Variants in ARHGAP32 observed in about 807,000 individuals in gnomAD.
ARHGAP32 encodes the protein Rho GTPase activating protein 32, also known as rho GTPase-activating protein 32.
Under a neutral mutation model 186.5 loss-of-function variants are expected in ARHGAP32, and 51 were observed. The ratio of observed to expected loss-of-function variants is 0.27; its 90% CI spans 0.22 to 0.35. The LOEUF is 0.35. Among genes scored for constraint, ARHGAP32 ranks in the 10% least tolerant of loss-of-function variants. The pLI is 1.00. For missense variants in ARHGAP32, 2,186 were observed against 2,623.5 expected (o/e 0.83, Z 3.64); for synonymous variants, 950 against 964.3 (o/e 0.99, Z 0.27).
At chr11:129,190,440 G>A (rs1211981543) in intron 1 of ARHGAP32, among the ~76,000 whole-genome samples, 1 of 152,174 alleles carries the variant, frequency 6.6e-6, no homozygotes, top group Non-Finnish European at 1.5e-5. Context: ...TATTCAGATA[G>A]GAAATATAAA....
rs1450335603 is a variant in ARHGAP32, at chr11:128,967,006, T to C, written c.*1901A>G. The C allele has an allele frequency of 6.6e-6, 1 of 152,236 alleles. No individual in the cohort carries two copies. Among genetic ancestry groups the C allele is most frequent in the Non-Finnish European group, 1.5e-5 (1 of 68,034 alleles). 9.4% of individuals were successfully genotyped at this position (152,236 alleles called of 1,614,324 possible). ...AAAACAGTTGGTTCTGCACTTTTAATGTAGAGGCCTCAATTTCCACAGACC... is the reference window on the plus strand; with the variant it reads ...AAAACAGTTGGTTCTGCACTTTTAACGTAGAGGCCTCAATTTCCACAGACC... On this transcript the variant is annotated 3_prime_UTR_variant, in exon 23 of 23. Transcript: ENST00000682385.
chr11:129,000,287 T>A (rs1045493801), intron 11 of ARHGAP32, among the ~76,000 whole-genome samples: 1 of 152,118 alleles, frequency 6.6e-6, no homozygotes, highest in Non-Finnish European at 1.5e-5. Flanking sequence ...CTAAAAAAAC[T>A]GAAAGTAAAT....
intron 1 of ARHGAP32, among the ~76,000 whole-genome samples, chr11:129,177,666 A>C (rs571226780): frequency 6.6e-6 from 1 of 152,232 alleles, no homozygotes; most frequent in African/African-American, 2.4e-5. Context: ...CCAGCATATA[A>C]ACAGAACCAA....
Position 128,981,824 on chromosome 11 carries a change from A to G in ARHGAP32, c.1634+5T>C. 6.3e-7 allele frequency: 1 copy of G among 1,590,928 alleles called. No individual in the cohort carries two copies. The highest frequency in any genetic ancestry group is 1.1e-5 in the South Asian group (1 of 88,900). On this transcript the variant is annotated splice_donor_5th_base_variant and intron_variant, in intron 16 of 22. Transcript: ENST00000682385. ...ACTAAAATTAATAAGTGAAATGCAA[A>G]TTACCTTAACAGGTTTGGAGCCCAA...
At chr11:129,040,206 G>A (rs1939535641) in intron 11 of ARHGAP32, among the ~76,000 whole-genome samples, 1 of 151,960 alleles carries the variant, frequency 6.6e-6, no homozygotes, top group Non-Finnish European at 1.5e-5. Flanking sequence ...TAATTCTGAG[G>A]CCCAGAAATT....
Position 129,169,556 on chromosome 11 carries a change from G to A in ARHGAP32, c.117-5129C>T, listed in dbSNP as rs12270868. Among the ~76,000 whole-genome samples the A allele has an allele frequency of 5.7e-3, 858 of 149,970 alleles. 4 individuals are homozygous for A. The highest frequency in any genetic ancestry group is 0.02 in the African/African-American group (811 of 40,840). ...TGAGGCAGGAGAATGGCGTGAACCC[G>A]GGAGGTGAAGCTTTGCAGTGAGCTG... On this transcript the variant is annotated intron_variant, in intron 1 of 22. Transcript: ENST00000682385.
At chr11:128,994,010 G>C (rs768505741) in intron 12 of ARHGAP32, among the ~76,000 whole-genome samples, 1 of 152,100 alleles carries the variant, frequency 6.6e-6, no homozygotes, top group African/African-American at 2.4e-5. Flanking sequence ...TTTTCAGAAA[G>C]AAGTGATATA....
In ARHGAP32 at chr11:128,970,978, C is replaced by T. The variant is rs745938491; in HGVS notation, c.4235G>A (p.Arg1412His). The change falls in exon 23 of 23, where the codon CGC becomes CAC. Residue 1412 changes from arginine (R) to histidine (H), a missense_variant. Physicochemically the swap from Arg to His is conservative, Grantham distance 29. Transcript: ENST00000682385. This position sits in a 1 kb window ranked among gnomAD's most constrained non-coding sequence, Gnocchi z 5.8. ...GGGATGCGCAGGGACAGACTCGGCG[C>T]GCAGGTGCAGCAGCGGGACCCGGGC... is the stretch of plus-strand genomic sequence containing the variant. ...DGARVPLLHL[R>H]AESVPAHPCG... 92 of 1,613,718 alleles carry T rather than the reference C, an allele frequency of 5.7e-5. No homozygotes were observed. The highest frequency in any genetic ancestry group is 6.9e-5 in the Non-Finnish European group (81 of 1,180,006).
chr11:129,262,261 G>T (rs1945330905), intron 1 of ARHGAP32, among the ~76,000 whole-genome samples: 1 of 151,878 alleles, frequency 6.6e-6, no homozygotes, highest in South Asian at 2.1e-4. Context: ...ATGGCATAAA[G>T]GAAGCCCCTA....
chr11:129,221,977 A>G (rs1417103804), intron 1 of ARHGAP32, among the ~76,000 whole-genome samples: 1 of 152,062 alleles, frequency 6.6e-6, no homozygotes, highest in Non-Finnish European at 1.5e-5. Context: ...ACTCAGGGAC[A>G]TTGTGAATAT....
At chr11:128,985,724 T>G (rs975425655) in intron 15 of ARHGAP32, among the ~76,000 whole-genome samples, 2 of 151,952 alleles carry the variant, frequency 1.3e-5, no homozygotes, top group African/African-American at 4.8e-5. Flanking sequence ...ACCTATGGAA[T>G]GCTAAACAGT....
At chr11:129,138,920 G>A (rs1158567358) in intron 2 of ARHGAP32, among the ~76,000 whole-genome samples, 1 of 152,158 alleles carries the variant, frequency 6.6e-6, no homozygotes, top group Non-Finnish European at 1.5e-5. Context: ...GATTTGCATA[G>A]TGTGTTAATC....
At chr11:129,111,713 T>G (rs1942221791) in intron 5 of ARHGAP32, among the ~76,000 whole-genome samples, 1 of 152,138 alleles carries the variant, frequency 6.6e-6, no homozygotes, top group African/African-American at 2.4e-5. Context: ...TCATGACCTT[T>G]TGTATTTCCG....
intron 1 of ARHGAP32, among the ~76,000 whole-genome samples, chr11:129,254,406 C>T (rs1246449349): frequency 6.6e-6 from 1 of 151,994 alleles, no homozygotes; most frequent in Non-Finnish European, 1.5e-5. Flanking sequence ...CATTCTCCAC[C>T]CCACAAAGAA....
intron 10 of ARHGAP32, among the ~76,000 whole-genome samples, chr11:129,051,089 G>A (rs1387601160): frequency 6.6e-6 from 1 of 152,166 alleles, no homozygotes; most frequent in East Asian, 1.9e-4. Context: ...TGTGAACAAT[G>A]CTGCAATAAA....
chr11:129,042,621 T>C (rs1939642291), intron 10 of ARHGAP32, among the ~76,000 whole-genome samples: 1 of 152,166 alleles, frequency 6.6e-6, no homozygotes, highest in South Asian at 2.1e-4. Flanking sequence ...CAAGTAAGTG[T>C]TCCACCCTCC....
chr11:128,980,777 A>G (rs766980835), intron 17 of ARHGAP32, 29 bp from the exon 18 acceptor site: 8 of 1,512,272 alleles, frequency 5.3e-6, no homozygotes, highest in Non-Finnish European at 7.3e-6. Context: ...GCTGATGAAG[A>G]GAGTCAACTA....
chr11:129,256,164 C>T (rs185525314), intron 1 of ARHGAP32, among the ~76,000 whole-genome samples: 5 of 152,218 alleles, frequency 3.3e-5, no homozygotes, highest in South Asian at 2.1e-4. Context: ...TGCATGCTGA[C>T]AACCCACAAG....
intron 10 of ARHGAP32, among the ~76,000 whole-genome samples, chr11:129,056,474 G>A (rs1341010176): frequency 6.6e-6 from 1 of 151,900 alleles, no homozygotes; most frequent in African/African-American, 2.4e-5. Flanking sequence ...CTCAAATTCC[G>A]GGGTCCAAGC....
Sources: allele counts gnomAD v4.1 joint callset (sites outside exome capture counted in the v4.1 genomes callset), GRCh38; gene constraint gnomAD v4.1.1; non-coding constraint Gnocchi (gnomAD v3.1); transcripts MANE v1.5; gene names NCBI Gene and HGNC (gene_info 2026-07-23, HGNC 2026-07-21).